The following SUPT3H variants were observed in gnomAD, a reference collection of about 807,000 sequenced individuals.
SUPT3H encodes transcription initiation protein SPT3 homolog.
Under a neutral mutation model 44.3 loss-of-function variants are expected in SUPT3H, and 44 were observed. The observed-to-expected ratio is 0.99, with a 90% CI of 0.78 to 1.28. SUPT3H has a LOEUF of 1.28. Ranked by LOEUF, SUPT3H falls within the 50% of genes most tolerant of loss-of-function variation. The pLI, the probability that SUPT3H is intolerant of heterozygous loss-of-function variation, is 0.00. For synonymous variants in SUPT3H, 124 were observed against 125.6 expected (o/e 0.99, Z 0.09); for missense variants, 380 against 387.1 (o/e 0.98, Z 0.15).
At chr6:45,296,386 T>C (rs1781227228) in intron 2 of SUPT3H, among the ~76,000 whole-genome samples, 1 of 151,884 alleles carries the variant, frequency 6.6e-6, no homozygotes, top group Non-Finnish European at 1.5e-5. Context: ...GGCATAAGAA[T>C]GACACAATGG....
At chr6:45,338,922 AG>A (rs1789179131) in intron 2 of SUPT3H, among the ~76,000 whole-genome samples, 1 of 152,164 alleles carries the variant, frequency 6.6e-6, no homozygotes, top group Non-Finnish European at 1.5e-5. Flanking sequence ...TACAAATTCT[AG>A]TCCTGAGCTG....
intron 2 of SUPT3H, among the ~76,000 whole-genome samples, chr6:45,357,159 AC>A (rs1278415889): frequency 6.6e-6 from 1 of 151,982 alleles, no homozygotes; most frequent in Admixed American, 6.6e-5. Context: ...GGCACCCGCC[AC>A]CAAGCCTGGC....
chr6:45,311,800 G>A (rs1784001733), intron 2 of SUPT3H, among the ~76,000 whole-genome samples: 1 of 152,092 alleles, frequency 6.6e-6, no homozygotes. Context: ...TAAAAGAACT[G>A]CTAAAAGGAG....
chr6:45,239,512 C>T (rs1400784589), intron 2 of SUPT3H, among the ~76,000 whole-genome samples: 4 of 152,220 alleles, frequency 2.6e-5, no homozygotes, highest in African/African-American at 9.6e-5. Context: ...AGTTAATCCT[C>T]GAGGACTGGA....
chr6:44,823,921 C>A (rs555823295), downstream of SUPT3H, among the ~76,000 whole-genome samples: 1 of 152,252 alleles, frequency 6.6e-6, no homozygotes, highest in African/African-American at 2.4e-5. Flanking sequence ...TGAGATCGAG[C>A]CATTGCACTC....
intron 2 of SUPT3H, among the ~76,000 whole-genome samples, chr6:45,160,102 T>C (rs1808690153): frequency 1.3e-5 from 2 of 152,202 alleles, no homozygotes; most frequent in Admixed American, 1.3e-4. Flanking sequence ...ACCTCTCAAA[T>C]GGTTAAAGCC....
chr6:45,254,283 T>C (rs1195263227), intron 2 of SUPT3H, among the ~76,000 whole-genome samples: 1 of 152,094 alleles, frequency 6.6e-6, no homozygotes, highest in East Asian at 1.9e-4. Context: ...ACAGCAGAAA[T>C]TAGTAAACTT....
chr6:45,014,436 T>C (rs1344194044), intron 5 of SUPT3H, among the ~76,000 whole-genome samples: 1 of 152,058 alleles, frequency 6.6e-6, no homozygotes, highest in African/African-American at 2.4e-5. Flanking sequence ...TCCCTCCACA[T>C]AAATGAGGAA....
At chr6:45,191,173 C>T (rs1815066878) in intron 2 of SUPT3H, among the ~76,000 whole-genome samples, 1 of 151,964 alleles carries the variant, frequency 6.6e-6, no homozygotes, top group South Asian at 2.1e-4. Flanking sequence ...ACCAAGATGT[C>T]CTTCAATAGG....
At chr6:44,984,972 T>A (rs751333978) in intron 6 of SUPT3H, among the ~76,000 whole-genome samples, 2 of 130,200 alleles carry the variant, frequency 1.5e-5, no homozygotes, top group Non-Finnish European at 3.6e-5. Context: ...ACAAGCTTGA[T>A]GAAAGAGTTT....
At chr6:45,212,271 T>C (rs1764222875) in intron 2 of SUPT3H, among the ~76,000 whole-genome samples, 2 of 152,212 alleles carry the variant, frequency 1.3e-5, no homozygotes, top group Non-Finnish European at 1.5e-5. Context: ...TTTACTATAC[T>C]TGGTTGTTCT....
intron 2 of SUPT3H, among the ~76,000 whole-genome samples, chr6:45,273,223 G>A (rs957426306): frequency 2.6e-5 from 4 of 152,160 alleles, no homozygotes; most frequent in African/African-American, 9.7e-5. Context: ...CTTCGATAAG[G>A]CTACAAACAA....
chr6:45,110,962 T>A (rs1028411035), intron 2 of SUPT3H, among the ~76,000 whole-genome samples: 2 of 150,854 alleles, frequency 1.3e-5, no homozygotes, highest in African/African-American at 4.9e-5. Context: ...CAAATTAATA[T>A]AATAACAAAA....
intron 2 of SUPT3H, among the ~76,000 whole-genome samples, chr6:45,137,368 A>T (rs1251966017): frequency 6.6e-6 from 1 of 151,862 alleles, no homozygotes; most frequent in African/African-American, 2.4e-5. Context: ...AACATAAAAG[A>T]CTCTCTAAAG....
chr6:45,193,020 CCAGGACAAAAA>C (rs1439455101), intron 2 of SUPT3H, among the ~76,000 whole-genome samples: 1 of 152,018 alleles, frequency 6.6e-6, no homozygotes, highest in African/African-American at 2.4e-5. Context: ...ACTGTAGAAA[CCAGGACAAAAA>C]CAGAAACAGC....
At chr6:44,823,765 C>T (rs573112303), downstream of SUPT3H, among the ~76,000 whole-genome samples, 4 of 152,184 alleles carry the variant, frequency 2.6e-5, no homozygotes, top group Admixed American at 2.6e-4. Flanking sequence ...AGTTCGAGAC[C>T]AACCTGGCCA....
chr6:44,998,076 GTAT>G (rs777225263), intron 6 of SUPT3H, among the ~76,000 whole-genome samples: 1 of 151,740 alleles, frequency 6.6e-6, no homozygotes, highest in African/African-American at 2.4e-5. Flanking sequence ...CCTAAGGAAG[GTAT>G]TATGATAATT....
chr6:45,043,146 C>CAT lies in SUPT3H; in HGVS notation c.187-22515_187-22514insAT, dbSNP rs759103698. Among the ~76,000 whole-genome samples the CAT allele has an allele frequency of 9.0e-3, 1,339 of 147,960 alleles. 15 individuals carry two copies. Among genetic ancestry groups the CAT allele is most frequent in the South Asian group, 0.028 (133 of 4,738 alleles). Reference sequence around the variant, plus strand: ...CTTGTATCTTACATACACACATACACACACACACACACACACACACACACG... The same window carrying CAT: ...CTTGTATCTTACATACACACATACACATACACACACACACACACACACACACG... On this transcript the variant is annotated intron_variant, in intron 3 of 10. Transcript: ENST00000371459.
intron 3 of SUPT3H, among the ~76,000 whole-genome samples, chr6:45,100,096 A>G (rs1798340487): frequency 1.3e-5 from 2 of 152,180 alleles, no homozygotes; most frequent in Non-Finnish European, 2.9e-5. Flanking sequence ...ACTCAAAATG[A>G]ATTAAAGACT....
Sources: gnomAD v4.1 joint callset for allele counts (sites outside exome capture counted in the v4.1 genomes callset) on GRCh38, gnomAD v4.1.1 for gene constraint, MANE v1.5 for transcripts, NCBI Gene and HGNC (gene_info 2026-07-23, HGNC 2026-07-21) for gene names.